The following NGEF variants were observed in gnomAD, a reference collection of about 807,000 sequenced individuals.
NGEF encodes the protein ephexin-1.
NGEF carries 31 observed loss-of-function variants against 80.9 expected under a neutral mutation model. The ratio of observed to expected loss-of-function variants is 0.38; its 90% CI spans 0.29 to 0.52. NGEF has a LOEUF of 0.52. Ranked by LOEUF, NGEF falls within the 20% of genes least tolerant of loss-of-function variation. The pLI is 0.84. For synonymous variants in NGEF, 371 were observed against 370.2 expected (o/e 1.00, Z -0.03); for missense variants, 709 against 926.2 (o/e 0.77, Z 3.04).
intron 5 of NGEF, among the ~76,000 whole-genome samples, chr2:232,896,652 T>G (rs1195524033): frequency 0.024 from 100 of 4,090 alleles, no homozygotes; most frequent in Non-Finnish European, 0.03. Context: ...GGGTAGGGGT[T>G]GGGGTGGGGG....
At chr2:232,955,175 A>C (rs1693795799) in intron 3 of NGEF, among the ~76,000 whole-genome samples, 1 of 152,136 alleles carries the variant, frequency 6.6e-6, no homozygotes, top group African/African-American at 2.4e-5. Context: ...AATACTGAAA[A>C]TTGCAAGTAA....
Position 232,879,689 on chromosome 2 carries a change from G to A in NGEF, c.1943-10C>T, listed in dbSNP as rs748940306. On this transcript the variant is annotated splice_polypyrimidine_tract_variant and intron_variant, in intron 14 of 14. Transcript: ENST00000264051. ...TCGCCAAAGATCCACCCTGTGCAGG[G>A]AGGGGAGGGAGAGAAGGTCAGTGCT... 3 of 1,603,748 alleles carry A rather than the reference G, an allele frequency of 1.9e-6. No homozygotes were observed. Among genetic ancestry groups the A allele is most frequent in the East Asian group, 4.5e-5 (2 of 44,556 alleles).
chr2:232,915,816 A>G (rs1692790941), intron 5 of NGEF, among the ~76,000 whole-genome samples: 1 of 151,944 alleles, frequency 6.6e-6, no homozygotes, highest in Non-Finnish European at 1.5e-5. Context: ...TCAGCCTCCC[A>G]AGTAGCTGGG....
chr2:232,993,004 T>TGTATATATAC (rs1694681133), intron 1 of NGEF, among the ~76,000 whole-genome samples: 4 of 138,168 alleles, frequency 2.9e-5, no homozygotes, highest in Non-Finnish European at 6.1e-5. Context: ...TATATATATA[T>TGTATATATAC]ACACACACAC....
At chr2:232,937,219 C>T (rs755169685) in intron 3 of NGEF, among the ~76,000 whole-genome samples, 4 of 152,142 alleles carry the variant, frequency 2.6e-5, no homozygotes, top group African/African-American at 4.8e-5. Flanking sequence ...CCACCTGCCT[C>T]GGTCTCTCAA....
In NGEF at chr2:232,879,692, G is replaced by A; in HGVS notation, c.1943-13C>T. 2 of 1,603,248 alleles carry A rather than the reference G, an allele frequency of 1.2e-6. No homozygotes were observed. Among genetic ancestry groups the A allele is most frequent in the Non-Finnish European group, 1.7e-6 (2 of 1,171,852 alleles). ...CCAAAGATCCACCCTGTGCAGGGAGGGGAGGGAGAGAAGGTCAGTGCTCCT... is the reference window on the plus strand; with the variant it reads ...CCAAAGATCCACCCTGTGCAGGGAGAGGAGGGAGAGAAGGTCAGTGCTCCT... On this transcript the variant is annotated splice_polypyrimidine_tract_variant and intron_variant, in intron 14 of 14. Transcript: ENST00000264051.
rs544032912 is a variant in NGEF, at chr2:233,004,802, T to C, written c.-75+8266A>G. On this transcript the variant is annotated intron_variant, in intron 1 of 14. Coordinates refer to ENST00000264051, the MANE Select transcript of NGEF (RefSeq NM_019850.3). Reference sequence around the variant, plus strand: ...CCTCAATTTCCCTTCCTCATCCTGCTGGGGGCCTTTCTTCGGGGCTGTGTG... The same window carrying C: ...CCTCAATTTCCCTTCCTCATCCTGCCGGGGGCCTTTCTTCGGGGCTGTGTG... Among the ~76,000 whole-genome samples the C allele has an allele frequency of 3.3e-5, 5 of 152,092 alleles. No homozygotes were observed. The South Asian group carries it at 1.0e-3, about 32-fold the overall frequency.
At chr2:232,922,053 A>G (rs1049726000) in intron 4 of NGEF, among the ~76,000 whole-genome samples, 1 of 152,234 alleles carries the variant, frequency 6.6e-6, no homozygotes, top group African/African-American at 2.4e-5. Context: ...CATGAGCAGC[A>G]GGATGTCCTG....
intron 1 of NGEF, among the ~76,000 whole-genome samples, chr2:232,995,024 C>A (rs1315489489): frequency 7.2e-6 from 1 of 138,426 alleles, no homozygotes; most frequent in Non-Finnish European, 1.5e-5. Flanking sequence ...TATATGTATA[C>A]TGTATATATG....
chr2:232,897,018 G>T (rs1692115958), intron 5 of NGEF, among the ~76,000 whole-genome samples: 1 of 130,128 alleles, frequency 7.7e-6, no homozygotes, highest in Admixed American at 7.5e-5. Context: ...GTAGGGGCGA[G>T]TGTGGGGGTA....
intron 1 of NGEF, among the ~76,000 whole-genome samples, chr2:232,981,325 A>G (rs1694411460): frequency 1.3e-5 from 2 of 151,608 alleles, no homozygotes; most frequent in African/African-American, 4.9e-5. Flanking sequence ...AAAATTGCTA[A>G]TAGCCCTTTC....
intron 3 of NGEF, among the ~76,000 whole-genome samples, chr2:232,950,868 A>G (rs570207592): frequency 7.3e-6 from 1 of 136,124 alleles, no homozygotes; most frequent in East Asian, 2.0e-4. Context: ...ACTTCACCAC[A>G]TGCTTCAGAA....
intron 3 of NGEF, among the ~76,000 whole-genome samples, chr2:232,936,842 T>C (rs1693334283): frequency 1.3e-5 from 2 of 152,228 alleles, no homozygotes; most frequent in Admixed American, 1.3e-4. Flanking sequence ...TGAGTTCTTC[T>C]AGCAATTTAT....
At chr2:232,918,623 T>C (rs556546796) in intron 5 of NGEF, among the ~76,000 whole-genome samples, 8 of 148,048 alleles carry the variant, frequency 5.4e-5, no homozygotes, top group African/African-American at 2.0e-4. Flanking sequence ...AGGATTTATT[T>C]CTAAGTTTTT....
At chr2:232,972,743 C>CGT (rs1378841965) in intron 2 of NGEF, among the ~76,000 whole-genome samples, 1 of 135,768 alleles carries the variant, frequency 7.4e-6, no homozygotes, top group Non-Finnish European at 1.6e-5. Flanking sequence ...ATGTCCTTAT[C>CGT]CTTTTTTTTT....
At chr2:232,886,972 G>C (rs1691713716) in intron 9 of NGEF, among the ~76,000 whole-genome samples, 1 of 152,256 alleles carries the variant, frequency 6.6e-6, no homozygotes, top group Non-Finnish European at 1.5e-5. Context: ...AACTGCCAGA[G>C]GAATTTTGGT....
chr2:232,901,520 A>G (rs1402826026), intron 5 of NGEF: 3 of 857,950 alleles, frequency 3.5e-6, no homozygotes, highest in African/African-American at 1.8e-5. Context: ...CAGCTGCGTC[A>G]CCAGGGTGAC....
chr2:232,993,097 A>G lies in NGEF; in HGVS notation c.-74-18133T>C, dbSNP rs376309401. ...TATCTATACGGGCAAATATATATAT[A>G]AATAAATAAATATATATATATAAAT... On this transcript the variant is annotated intron_variant, in intron 1 of 14. Coordinates refer to ENST00000264051, the MANE Select transcript of NGEF (RefSeq NM_019850.3). Among the ~76,000 whole-genome samples the G allele has an allele frequency of 7.9e-4, 36 of 45,576 alleles. 1 individual carries two copies. The highest frequency in any genetic ancestry group is 6.5e-3 in the East Asian group (8 of 1,236). The allele number at this position is 45,576 out of a possible 152,430, so 29.9% of individuals were successfully genotyped here.
At chr2:232,893,445 T>C (rs1691947242) in intron 6 of NGEF, among the ~76,000 whole-genome samples, 1 of 152,134 alleles carries the variant, frequency 6.6e-6, no homozygotes, top group Non-Finnish European at 1.5e-5. Context: ...ATGTTTGGAA[T>C]TTTCCACAGT....
Sources: gnomAD v4.1 joint callset for allele counts (sites outside exome capture counted in the v4.1 genomes callset) on GRCh38, gnomAD v4.1.1 for gene constraint, MANE v1.5 for transcripts, NCBI Gene and HGNC (gene_info 2026-07-23, HGNC 2026-07-21) for gene names.